ASAP1: variants seen among roughly 807,000 people sequenced by gnomAD.
ASAP1 encodes the protein ArfGAP with SH3 domain, ankyrin repeat and PH domain 1, also known as arf-GAP with SH3 domain, ANK repeat and PH domain-containing protein 1.
Under a neutral mutation model 145.2 loss-of-function variants are expected in ASAP1, and 43 were observed. That is an observed-to-expected ratio of 0.30 (90% CI 0.23 to 0.38). ASAP1 has a LOEUF of 0.38. Among genes scored for constraint, ASAP1 ranks in the 10% least tolerant of loss-of-function variants. The pLI is 1.00. For synonymous variants in ASAP1, 546 were observed against 515.5 expected (o/e 1.06, Z -0.80); for missense variants, 1,018 against 1,355.3 (o/e 0.75, Z 3.91).
chr8:130,066,532 C>G (rs541559176), intron 27 of ASAP1, among the ~76,000 whole-genome samples: 8 of 152,008 alleles, frequency 5.3e-5, no homozygotes, highest in African/African-American at 1.9e-4. Flanking sequence ...TTTCTTTCTT[C>G]CTTTCCTTCC....
At position 130,358,376 on chromosome 8, in the gene ASAP1, C is replaced by T. The variant is rs1393443974; in HGVS notation, c.60-233G>A. Among the ~76,000 whole-genome samples the T allele has an allele frequency of 1.3e-5, 2 of 148,214 alleles. No individual in the cohort carries two copies. The highest frequency in any genetic ancestry group is 4.9e-5 in the African/African-American group (2 of 40,902). On this transcript the variant is annotated intron_variant, in intron 2 of 29. Transcript: ENST00000518721. The surrounding 1 kb of genome is among the most constrained non-coding windows in gnomAD (Gnocchi z 4.1). ...GGCGCGGGGCCCTTCAAACTCCAAGCCGCGCGCGAGGCAGGGGGCTCTCCG... is the reference window on the plus strand; with the variant it reads ...GGCGCGGGGCCCTTCAAACTCCAAGTCGCGCGCGAGGCAGGGGGCTCTCCG...
intron 1 of ASAP1, among the ~76,000 whole-genome samples, chr8:130,442,479 G>A (rs1272850014): frequency 6.6e-6 from 1 of 152,118 alleles, no homozygotes; most frequent in Non-Finnish European, 1.5e-5. Flanking sequence ...TGGGATGAAG[G>A]TTGCAATACA....
chr8:130,241,713 T>C (rs1818538293), intron 3 of ASAP1, among the ~76,000 whole-genome samples: 2 of 152,150 alleles, frequency 1.3e-5, no homozygotes, highest in South Asian at 2.1e-4. Flanking sequence ...GATATGACTA[T>C]ACAGTCATGA....
At chr8:130,440,813 AT>A (rs2138844860) in intron 1 of ASAP1, among the ~76,000 whole-genome samples, 1 of 152,054 alleles carries the variant, frequency 6.6e-6, no homozygotes, top group Non-Finnish European at 1.5e-5. Flanking sequence ...TTCCTTCTCC[AT>A]TTTCCAATCT....
chr8:130,360,591 T>G (rs993000530), intron 2 of ASAP1: 2 of 152,236 alleles, frequency 1.3e-5, no homozygotes, highest in African/African-American at 4.8e-5. Flanking sequence ...AAGGGGAATG[T>G]CCATAAATAA....
chr8:130,433,787 G>A (rs1830216035), intron 1 of ASAP1, among the ~76,000 whole-genome samples: 1 of 152,184 alleles, frequency 6.6e-6, no homozygotes, highest in African/African-American at 2.4e-5. Context: ...CACTCGCTTA[G>A]CCACTTTCCT....
chr8:130,430,356 A>AT (rs1298811202), intron 1 of ASAP1, among the ~76,000 whole-genome samples: 2 of 152,066 alleles, frequency 1.3e-5, no homozygotes, highest in Non-Finnish European at 2.9e-5. Flanking sequence ...ACTTTAATGT[A>AT]TTTTTTTACT....
At chr8:130,229,329 G>A (rs764173370) in intron 4 of ASAP1, among the ~76,000 whole-genome samples, 4 of 152,200 alleles carry the variant, frequency 2.6e-5, no homozygotes, top group African/African-American at 4.8e-5. Context: ...TCATGGCATG[G>A]TTGTTTTCAG....
chr8:130,266,602 T>G (rs919466547), intron 3 of ASAP1, among the ~76,000 whole-genome samples: 4 of 151,930 alleles, frequency 2.6e-5, no homozygotes, highest in Admixed American at 2.6e-4. Context: ...CGAGATTACC[T>G]TCCAAAAATA....
At chr8:130,394,433 AC>A (rs1400816389) in intron 2 of ASAP1, among the ~76,000 whole-genome samples, 1 of 152,130 alleles carries the variant, frequency 6.6e-6, no homozygotes, top group East Asian at 1.9e-4. Context: ...TTTTGGTCAG[AC>A]CGGTTGCTCT....
chr8:130,212,029 G>C (rs953255089), intron 5 of ASAP1, among the ~76,000 whole-genome samples: 1 of 152,170 alleles, frequency 6.6e-6, no homozygotes, highest in Non-Finnish European at 1.5e-5. Flanking sequence ...CTCGGGGTGA[G>C]TTGGCTTTCT....
chr8:130,174,616 G>C (rs1051684085), intron 9 of ASAP1, among the ~76,000 whole-genome samples: 1 of 152,162 alleles, frequency 6.6e-6, no homozygotes, highest in Non-Finnish European at 1.5e-5. Flanking sequence ...CACCTCTGGG[G>C]AGGGCAGAGG....
chr8:130,312,058 T>C (rs1019208824), intron 3 of ASAP1, among the ~76,000 whole-genome samples: 20 of 152,136 alleles, frequency 1.3e-4, no homozygotes, highest in African/African-American at 3.4e-4. Flanking sequence ...TGTGGATCAC[T>C]TGAGCCCAGG....
chr8:130,404,065 T>C (rs1828920716), intron 1 of ASAP1, among the ~76,000 whole-genome samples: 1 of 152,232 alleles, frequency 6.6e-6, no homozygotes, highest in Admixed American at 6.5e-5. Context: ...TGTTTCAACG[T>C]GAAGACTGAT....
At position 130,369,921 on chromosome 8, in the gene ASAP1, A is replaced by C. The variant is rs115581522; in HGVS notation, c.60-11778T>G. Among the ~76,000 whole-genome samples, 569 of 152,314 alleles carry C rather than the reference A, an allele frequency of 3.7e-3. 3 individuals are homozygous for C. The highest frequency in any genetic ancestry group is 0.013 in the African/African-American group (547 of 41,566). On this transcript the variant is annotated intron_variant, in intron 2 of 29. Coordinates refer to ENST00000518721, the MANE Select transcript of ASAP1 (RefSeq NM_018482.4). The stretch of plus-strand genomic sequence containing the variant: ...AATTCACATGTTGAAATCCTAACCC[A>C]ATGTGATGGTATTACAACGTGACAC...
At chr8:130,443,223 C>CA (rs962188484) in intron 1 of ASAP1, among the ~76,000 whole-genome samples, 7 of 151,052 alleles carry the variant, frequency 4.6e-5, no homozygotes, top group East Asian at 3.9e-4. Flanking sequence ...CCTCCCCCCC[C>CA]CACCGGGCGG....
chr8:130,433,732 T>C lies in ASAP1; in HGVS notation c.-28+9728A>G, dbSNP rs531477242. Among the ~76,000 whole-genome samples, 4 of 152,348 alleles carry C rather than the reference T, an allele frequency of 2.6e-5. No homozygotes were observed. The South Asian group carries it at 6.2e-4, about 24-fold the overall frequency. ...CATGCAAATGAGAATTCTTATCTCA[T>C]TTTGAAACCCACTAATTTTTGTTTA... is the stretch of plus-strand genomic sequence containing the variant. On this transcript the variant is annotated intron_variant, in intron 1 of 29. Coordinates refer to ENST00000518721, the MANE Select transcript of ASAP1 (RefSeq NM_018482.4).
chr8:130,173,960 A>G (rs951643313), intron 9 of ASAP1, among the ~76,000 whole-genome samples: 11 of 151,900 alleles, frequency 7.2e-5, no homozygotes, highest in African/African-American at 2.7e-4. Flanking sequence ...ATGCGCCTGT[A>G]GTCCCAGCTA....
rs148676672 is a variant in ASAP1 at position 130,111,076 on chromosome 8, T to C, written c.2401+1018A>G. Among the ~76,000 whole-genome samples the C allele has an allele frequency of 7.6e-4, 115 of 152,022 alleles. 2 individuals carry two copies. In the East Asian group the frequency reaches 0.022, roughly 29 times the overall value. On this transcript the variant is annotated intron_variant, in intron 24 of 29. Transcript: ENST00000518721. ...AACTCACAGCACAACAACCCTCCTA[T>C]GAGCGGGATTCCTCGTCTGGGCGCA...
Sources: gnomAD v4.1 joint callset for allele counts (sites outside exome capture counted in the v4.1 genomes callset) on GRCh38, gnomAD v4.1.1 for gene constraint, Gnocchi (gnomAD v3.1) non-coding constraint, MANE v1.5 for transcripts, NCBI Gene and HGNC (gene_info 2026-07-23, HGNC 2026-07-21) for gene names.